Variants in LARP4B observed in about 807,000 individuals in gnomAD.
The protein encoded by LARP4B is la-related protein 4B.
A neutral mutation model predicts 89.8 loss-of-function variants in LARP4B; 12 were observed. The ratio of observed to expected loss-of-function variants is 0.13; its 90% confidence interval spans 0.09 to 0.22. The LOEUF (loss-of-function observed/expected upper bound fraction) is 0.22, where lower values mean the gene tolerates loss of function less well. Ranked by LOEUF, LARP4B falls within the 10% of genes least tolerant of loss-of-function variation. LARP4B has a pLI of 1.00. For synonymous variants in LARP4B, 367 were observed against 363.3 expected (o/e 1.01, Z -0.12); for missense variants, 757 against 947.7 (o/e 0.80, Z 2.64).
intron 8 of LARP4B, among the ~76,000 whole-genome samples, chr10:833,269 A>AC (rs1833010054): frequency 2.0e-5 from 3 of 149,276 alleles, no homozygotes; most frequent in African/African-American, 7.3e-5. Flanking sequence ...AAAAAAAAAA[A>AC]AAAAAAAAAA....
the LARP4B span, among the ~76,000 whole-genome samples, chr10:963,921 G>T: frequency 6.6e-6 from 1 of 152,166 alleles, no homozygotes; most frequent in Non-Finnish European, 1.5e-5. Context: ...GTTGCCTTGG[G>T]GATGAAGTTT....
At chr10:930,348 G>C (rs1428748375) in intron 1 of LARP4B, among the ~76,000 whole-genome samples, 4 of 152,140 alleles carry the variant, frequency 2.6e-5, no homozygotes, top group African/African-American at 4.8e-5. Flanking sequence ...CCCTGTCAAG[G>C]AAAACCTTCC....
chr10:929,139 A>G (rs1028670966), intron 1 of LARP4B, among the ~76,000 whole-genome samples: 2 of 152,184 alleles, frequency 1.3e-5, no homozygotes, highest in African/African-American at 2.4e-5. Flanking sequence ...TTCCTACTCA[A>G]AAAGAGTGGA....
chr10:909,311 A>C (rs899398548), intron 1 of LARP4B, among the ~76,000 whole-genome samples: 8 of 151,116 alleles, frequency 5.3e-5, no homozygotes, highest in Admixed American at 2.0e-4. Flanking sequence ...AAAAAAAAAA[A>C]AGGAAATTCC....
chr10:982,428 G>A, the LARP4B span, among the ~76,000 whole-genome samples: 2 of 152,018 alleles, frequency 1.3e-5, no homozygotes, highest in Non-Finnish European at 1.5e-5. Context: ...AAATAATTTG[G>A]ACTAGACCAC....
At chr10:863,954 T>A in intron 4 of LARP4B, 71 bp from the exon 5 acceptor site, 1 of 1,567,570 alleles carries the variant, frequency 6.4e-7, no homozygotes, top group South Asian at 1.2e-5. Flanking sequence ...AAGCTTACAC[T>A]TGCAGTGACT....
chr10:870,028 A>G (rs182381024), intron 3 of LARP4B: 2 of 985,174 alleles, frequency 2.0e-6, no homozygotes, highest in Non-Finnish European at 2.4e-6. Flanking sequence ...GTCCGTCTCT[A>G]TCATGCCATC....
chr10:920,622 A>T (rs1176461636), intron 1 of LARP4B, among the ~76,000 whole-genome samples: 1 of 151,970 alleles, frequency 6.6e-6, no homozygotes, highest in Non-Finnish European at 1.5e-5. Context: ...AAAACTATAA[A>T]AATAAGCTGG....
chr10:867,975 A>G (rs1835002615), intron 3 of LARP4B, among the ~76,000 whole-genome samples: 1 of 151,830 alleles, frequency 6.6e-6, no homozygotes, highest in Non-Finnish European at 1.5e-5. Flanking sequence ...AGGCAAGCTG[A>G]CCTTAACAGC....
At chr10:963,978 T>C in the LARP4B span, among the ~76,000 whole-genome samples, 4 of 152,158 alleles carry the variant, frequency 2.6e-5, no homozygotes, top group African/African-American at 4.8e-5. Context: ...GCAGGGAGAA[T>C]GTGGTAAGTT....
the LARP4B span, among the ~76,000 whole-genome samples, chr10:950,698 T>C: frequency 6.6e-6 from 1 of 152,234 alleles, no homozygotes; most frequent in Non-Finnish European, 1.5e-5. Context: ...GTTTTCAGCA[T>C]ATAGATCCTG....
At chr10:862,848 C>G (rs1834696691) in intron 5 of LARP4B, among the ~76,000 whole-genome samples, 1 of 152,116 alleles carries the variant, frequency 6.6e-6, no homozygotes, top group South Asian at 2.1e-4. Context: ...TCCTTTCCCA[C>G]CTACTCTCTT....
At chr10:877,723 G>A (rs1430240549) in intron 3 of LARP4B, among the ~76,000 whole-genome samples, 1 of 152,182 alleles carries the variant, frequency 6.6e-6, no homozygotes, top group Non-Finnish European at 1.5e-5. Context: ...AGAGCCATGA[G>A]AGTCTGCAGT....
At chr10:918,326 A>T (rs1042270016) in intron 1 of LARP4B, among the ~76,000 whole-genome samples, 2 of 152,190 alleles carry the variant, frequency 1.3e-5, no homozygotes, top group Non-Finnish European at 2.9e-5. Flanking sequence ...GGTCAACACT[A>T]ACATCACAAA....
At chr10:907,126 T>G (rs568972778) in intron 1 of LARP4B, among the ~76,000 whole-genome samples, 1 of 152,226 alleles carries the variant, frequency 6.6e-6, no homozygotes, top group African/African-American at 2.4e-5. Flanking sequence ...CATATCAAAT[T>G]ATCATCCTCA....
At chr10:823,305 G>A (rs554663058) in intron 13 of LARP4B, among the ~76,000 whole-genome samples, 1 of 152,306 alleles carries the variant, frequency 6.6e-6, no homozygotes, top group African/African-American at 2.4e-5. Flanking sequence ...TGGGAGGACA[G>A]TTGTCCTCCC....
At chr10:876,347 C>T (rs1199245325) in intron 3 of LARP4B, among the ~76,000 whole-genome samples, 13 of 151,926 alleles carry the variant, frequency 8.6e-5, no homozygotes, top group South Asian at 4.2e-4. Context: ...ATCACACCAT[C>T]GCACTCCAGC....
chr10:837,883 C>G (rs893692099), intron 7 of LARP4B, among the ~76,000 whole-genome samples: 2 of 151,680 alleles, frequency 1.3e-5, no homozygotes, highest in Non-Finnish European at 2.9e-5. Context: ...AAAAAATTTA[C>G]AAATTGGACT....
chr10:954,327 G>A, the LARP4B span, among the ~76,000 whole-genome samples: 1 of 152,160 alleles, frequency 6.6e-6, no homozygotes, highest in African/African-American at 2.4e-5. The surrounding 1 kb of genome is among the most constrained non-coding windows in gnomAD (Gnocchi z 5.0). Flanking sequence ...GGCTGGGGAA[G>A]GGCTCCTGCT....
Sources: gnomAD v4.1 joint callset for allele counts (sites outside exome capture counted in the v4.1 genomes callset) on GRCh38, gnomAD v4.1.1 for gene constraint, Gnocchi (gnomAD v3.1) non-coding constraint, MANE v1.5 for transcripts, NCBI Gene and HGNC (gene_info 2026-07-23, HGNC 2026-07-21) for gene names.